GSE1: variants seen among roughly 807,000 people sequenced by gnomAD.
GSE1 encodes Gse1 coiled-coil protein, also known as genetic suppressor element 1.
GSE1 carries 32 observed loss-of-function variants against 112.6 expected under a neutral mutation model. The observed-to-expected ratio is 0.28, with a 90% CI of 0.21 to 0.38. GSE1 has a LOEUF of 0.38. Ranked by LOEUF, GSE1 falls within the 10% of genes least tolerant of loss-of-function variation. The pLI is 1.00. For synonymous variants in GSE1, 1,115 were observed against 735.6 expected, an observed-to-expected ratio of 1.52 and a Z score of -8.35; for missense variants, 2,348 against 1,699.2, an observed-to-expected ratio of 1.38 and a Z score of -6.71.
chr16:85,378,465 G>A (rs191299209), intron 2 of GSE1, among the ~76,000 whole-genome samples: 1 of 152,162 alleles, frequency 6.6e-6, no homozygotes, highest in Non-Finnish European at 1.5e-5. Flanking sequence ...TGTGAGCCAC[G>A]GGAAGTCTGC....
intron 1 of GSE1, among the ~76,000 whole-genome samples, chr16:85,195,207 A>T (rs2074903592): frequency 6.6e-6 from 1 of 152,112 alleles, no homozygotes; most frequent in Non-Finnish European, 1.5e-5. Flanking sequence ...CCCACAGAGG[A>T]GCTTGAGCTC....
At position 85,673,347 on chromosome 16, in the gene GSE1, C is replaced by G. The variant is rs554392789; in HGVS notation, c.*808C>G. 10 of 150,730 alleles carry G rather than the reference C, an allele frequency of 6.6e-5. No individual in the cohort carries two copies. The highest frequency in any genetic ancestry group is 1.2e-4 in the Non-Finnish European group (8 of 67,450). The allele number at this position is 150,730 out of a possible 1,614,324, so 9.3% of individuals were successfully genotyped here. A position where few individuals can be genotyped will look rare whatever the true frequency, so the allele number is the denominator to read the frequency against. On this transcript the variant is annotated 3_prime_UTR_variant, in exon 16 of 16. Transcript: ENST00000253458. Reference sequence around the variant, plus strand: ...CTGTGTATATATATTAAAAAAAAAACAAAGTTTTGTATGTTTTTATTACTT... The same window carrying G: ...CTGTGTATATATATTAAAAAAAAAAGAAAGTTTTGTATGTTTTTATTACTT...
At chr16:85,640,061 G>C (rs910802428) in intron 2 of GSE1, among the ~76,000 whole-genome samples, 2 of 152,192 alleles carry the variant, frequency 1.3e-5, no homozygotes, top group Non-Finnish European at 2.9e-5. Context: ...AGGTGGGCTG[G>C]AGAGCCGCCG....
chr16:85,298,604 A>T (rs8055962), intron 1 of GSE1, among the ~76,000 whole-genome samples: 1 of 151,776 alleles, frequency 6.6e-6, no homozygotes, highest in Non-Finnish European at 1.5e-5. Flanking sequence ...ATTTTTTTGT[A>T]TGTTTAGAGA....
intron 2 of GSE1, among the ~76,000 whole-genome samples, chr16:85,394,160 G>A (rs898431929): frequency 3.3e-5 from 5 of 150,872 alleles, no homozygotes; most frequent in African/African-American, 7.3e-5. Context: ...GACTGCTGAC[G>A]AAAAACACAA....
rs549016318 is a variant in GSE1, at chr16:85,642,479, C to T, written c.227-6073C>T. Among the ~76,000 whole-genome samples, 57 of 152,326 alleles carry T rather than the reference C, an allele frequency of 3.7e-4. 1 individual carries two copies. The South Asian group carries it at 0.012, about 31-fold the overall frequency. ...GCAGGGGGCAAAGTGCACCTGGGGA[C>T]CCTCCTTCCAAGGGGCTGAGACAGG... On this transcript the variant is annotated intron_variant, in intron 2 of 15. Coordinates refer to ENST00000253458, the MANE Select transcript of GSE1 (RefSeq NM_014615.5).
intron 1 of GSE1, among the ~76,000 whole-genome samples, chr16:85,308,651 GC>G: frequency 6.6e-6 from 1 of 152,172 alleles, no homozygotes; most frequent in East Asian, 1.9e-4. Flanking sequence ...GTTGTGTATA[GC>G]CACAAAGAAG....
rs375498828 is a variant in GSE1 at position 85,668,921 on chromosome 16, G to C, written c.3415+497G>C. The stretch of plus-strand genomic sequence containing the variant: ...CCAAGCACTTTGCCTAAAAAGACAG[G>C]CTCCTGGTAAAGGCTTAGTCGAAGG... On this transcript the variant is annotated intron_variant, in intron 14 of 15. Coordinates refer to ENST00000253458, the MANE Select transcript of GSE1 (RefSeq NM_014615.5). Among the ~76,000 whole-genome samples the C allele has an allele frequency of 4.1e-4, 63 of 152,338 alleles. 1 individual carries two copies. Among genetic ancestry groups the C allele is most frequent in the African/African-American group, 1.4e-3 (58 of 41,590 alleles).
At chr16:85,213,590 G>A (rs571158704) in intron 1 of GSE1, among the ~76,000 whole-genome samples, 7 of 152,326 alleles carry the variant, frequency 4.6e-5, no homozygotes, top group South Asian at 2.1e-4. Flanking sequence ...TCACGTGTCC[G>A]GGCTATGGCT....
chr16:85,669,126 C>T (rs1031536926), intron 14 of GSE1, among the ~76,000 whole-genome samples: 2 of 152,262 alleles, frequency 1.3e-5, no homozygotes, highest in East Asian at 1.9e-4. Flanking sequence ...CCACCTTCTG[C>T]CTCTGTGCCT....
chr16:85,287,005 C>T (rs1327432558), intron 1 of GSE1, among the ~76,000 whole-genome samples: 1 of 152,200 alleles, frequency 6.6e-6, no homozygotes, highest in Non-Finnish European at 1.5e-5. Flanking sequence ...TCACTCTGCC[C>T]GCCCCGGGTG....
intron 2 of GSE1, among the ~76,000 whole-genome samples, chr16:85,384,854 TC>T (rs2047650637): frequency 6.6e-6 from 1 of 152,166 alleles, no homozygotes; most frequent in Admixed American, 6.5e-5. Context: ...AGCAGGCCTG[TC>T]CGAGTCTTGC....
chr16:85,409,355 CCTCA>C (rs1299384681), intron 2 of GSE1, among the ~76,000 whole-genome samples: 1 of 43,074 alleles, frequency 2.3e-5, no homozygotes, highest in Admixed American at 2.1e-4. Context: ...CCTGGATAAT[CCTCA>C]CTGTTACACT....
chr16:85,360,499 G>A (rs919099680), intron 2 of GSE1, among the ~76,000 whole-genome samples: 13 of 152,200 alleles, frequency 8.5e-5, no homozygotes, highest in African/African-American at 1.2e-4. Flanking sequence ...GTCAGGCCCC[G>A]CCTGGGCAGC....
upstream of GSE1, among the ~76,000 whole-genome samples, chr16:85,608,814 C>T (rs573890751): frequency 3.3e-5 from 5 of 152,204 alleles, no homozygotes; most frequent in Admixed American, 6.5e-5. Context: ...TCCTGGCCCA[C>T]GGACATCCAG....
chr16:85,575,363 C>A (rs868730941), intron 1 of GSE1, among the ~76,000 whole-genome samples: 7 of 152,254 alleles, frequency 4.6e-5, no homozygotes, highest in Middle Eastern at 6.8e-3. Context: ...GCATAAACAT[C>A]CTGGTTCCGG....
In GSE1 at chr16:85,528,286, A is replaced by G. The variant is rs376674776; in HGVS notation, c.2465-105628A>G. On this transcript the variant is annotated intron_variant, in intron 2 of 2. Coordinates refer to the GSE1 transcript ENST00000637419. ...GATATAAAAGAGTAAGGATTGGGGGAGCAGGGCAGGGATGGCTGGGGTTGT... is the reference window on the plus strand; with the variant it reads ...GATATAAAAGAGTAAGGATTGGGGGGGCAGGGCAGGGATGGCTGGGGTTGT... 1.5e-3 allele frequency among the ~76,000 whole-genome samples: 229 copies of G among 152,156 alleles called. 5 individuals carry two copies. In the South Asian group the frequency reaches 0.045, roughly 30 times the overall value.
At chr16:85,500,998 G>GTTTTTTTTTTGTTTTTTTTT (rs2051342155) in intron 2 of GSE1, among the ~76,000 whole-genome samples, 1 of 64,836 alleles carries the variant, frequency 1.5e-5, no homozygotes, top group African/African-American at 6.6e-5. Flanking sequence ...GGCCTGTTCT[G>GTTTTTTTTTTGTTTTTTTTT]TTTTTTTTTT....
chr16:85,664,718 A>T, intron 11 of GSE1: 1 of 283,954 alleles, frequency 3.5e-6, no homozygotes, highest in Non-Finnish European at 6.7e-6. Flanking sequence ...ATAAGAATAC[A>T]TCCTCGCACG....
Sources: allele counts gnomAD v4.1 joint callset (sites outside exome capture counted in the v4.1 genomes callset), GRCh38; gene constraint gnomAD v4.1.1; transcripts MANE v1.5; gene names NCBI Gene and HGNC (gene_info 2026-07-23, HGNC 2026-07-21).